The following MBOAT1 variants were observed in gnomAD, a reference collection of about 807,000 sequenced individuals.
The protein encoded by MBOAT1 is membrane-bound glycerophospholipid O-acyltransferase 1.
A neutral mutation model predicts 64.4 loss-of-function variants in MBOAT1; 67 were observed. The observed-to-expected ratio is 1.04, with a 90% CI of 0.85 to 1.27. The LOEUF (loss-of-function observed/expected upper bound fraction) is 1.27, where lower values mean the gene tolerates loss of function less well. Ranked by LOEUF, MBOAT1 falls within the 50% of genes most tolerant of loss-of-function variation. The pLI is 0.00. For missense variants in MBOAT1, 563 were observed against 604.6 expected (o/e 0.93, Z 0.72); for synonymous variants, 229 against 218.9 (o/e 1.05, Z -0.41).
intron 12 of MBOAT1, among the ~76,000 whole-genome samples, chr6:20,109,118 C>G (rs1385882410): frequency 6.6e-6 from 1 of 152,194 alleles, no homozygotes; most frequent in Non-Finnish European, 1.5e-5. Flanking sequence ...ACACGTGCAA[C>G]TGGCAACATA....
Position 20,152,704 on chromosome 6 carries a change from A to T in MBOAT1, c.165T>A (p.Arg55=). The T allele has an allele frequency of 1.9e-6, 3 of 1,612,306 alleles. No homozygotes were observed. The highest frequency in any genetic ancestry group is 1.6e-4 in the Middle Eastern group (1 of 6,062). ...FAAFWFRIYL[R]PGTTSSDVRH... is the part of the protein sequence containing the mutation. ...GGACATCAGAGCTGGTTGTACCAGG[A>T]CGTAAGTAGATGCGAAACCAGAAAG... The change falls in exon 2 of 13, where the codon CGT becomes CGA. Residue 55 remains arginine, a synonymous_variant. Transcript: ENST00000324607.
In MBOAT1 at chr6:20,168,245, A is replaced by AC. The variant is rs531937038; in HGVS notation, c.100-15477dup. Among the ~76,000 whole-genome samples, 780 of 152,264 alleles carry AC rather than the reference A, an allele frequency of 5.1e-3. 2 individuals are homozygous for AC. Among genetic ancestry groups the AC allele is most frequent in the Middle Eastern group, 0.014 (4 of 294 alleles). On this transcript the variant is annotated intron_variant, in intron 1 of 12. Coordinates refer to ENST00000324607, the MANE Select transcript of MBOAT1 (RefSeq NM_001080480.3). ...AGTAAAAATTAATCAAAAAATATAA[A>AC]CCCAAGCAGCATGAATCAACTAAAC...
At chr6:20,170,474 CCTCT>C (rs1441244720) in intron 1 of MBOAT1, among the ~76,000 whole-genome samples, 2 of 152,174 alleles carry the variant, frequency 1.3e-5, no homozygotes, top group Non-Finnish European at 2.9e-5. Flanking sequence ...GTTGTATCTC[CCTCT>C]CTAACACCCC....
intron 7 of MBOAT1, among the ~76,000 whole-genome samples, chr6:20,126,123 A>G (rs1334322723): frequency 2.0e-5 from 3 of 152,184 alleles, no homozygotes; most frequent in Non-Finnish European, 4.4e-5. Context: ...TCTACAAGAA[A>G]AACACAGTAA....
intron 4 of MBOAT1, 36 bp from the exon 5 acceptor site, chr6:20,131,235 G>T (rs1227008436): frequency 6.3e-7 from 1 of 1,584,470 alleles, no homozygotes; most frequent in Admixed American, 1.7e-5. Flanking sequence ...AGATTGGCAA[G>T]AAGGCCATTG....
At chr6:20,181,449 G>C (rs1230611050) in intron 1 of MBOAT1, among the ~76,000 whole-genome samples, 1 of 151,946 alleles carries the variant, frequency 6.6e-6, no homozygotes, top group East Asian at 1.9e-4. Flanking sequence ...ATTTTCTCCT[G>C]CTGGCCTTTG....
At chr6:20,192,178 C>A (rs1372614029) in intron 1 of MBOAT1, among the ~76,000 whole-genome samples, 1 of 152,188 alleles carries the variant, frequency 6.6e-6, no homozygotes, top group African/African-American at 2.4e-5. Context: ...TTTCACACTT[C>A]CTGGGTACAC....
At chr6:20,189,909 A>G (rs945263349) in intron 1 of MBOAT1, among the ~76,000 whole-genome samples, 1 of 151,810 alleles carries the variant, frequency 6.6e-6, no homozygotes, top group African/African-American at 2.4e-5. Flanking sequence ...TATGTATTAC[A>G]TTTCCTTCAT....
intron 3 of MBOAT1, among the ~76,000 whole-genome samples, chr6:20,147,879 T>C (rs1010918866): frequency 2.2e-4 from 33 of 152,134 alleles, no homozygotes; most frequent in African/African-American, 7.7e-4. Flanking sequence ...AACAATGAAA[T>C]AAAGTATATT....
intron 3 of MBOAT1, among the ~76,000 whole-genome samples, chr6:20,148,959 G>A (rs1183992164): frequency 1.3e-5 from 2 of 151,944 alleles, no homozygotes. Flanking sequence ...AAATTAGCCA[G>A]GTGTAGTGGC....
intron 1 of MBOAT1, among the ~76,000 whole-genome samples, chr6:20,195,211 C>T (rs2094428): frequency 0.41 from 61,798 of 152,036 alleles, 14,933 homozygotes; most frequent in Non-Finnish European, 0.52. Flanking sequence ...TCTCAGCCTC[C>T]GAAAGTGCTA....
intron 10 of MBOAT1, 146 bp from the exon 11 acceptor site, chr6:20,113,154 G>T: frequency 1.1e-6 from 1 of 928,396 alleles, no homozygotes; most frequent in Non-Finnish European, 1.6e-6. Flanking sequence ...GACTTGCAGT[G>T]CAATCCAAGC....
Position 20,100,560 on chromosome 6 carries a change from C to G in MBOAT1, c.*1726G>C, listed in dbSNP as rs1294300720. On this transcript the variant is annotated 3_prime_UTR_variant, in exon 13 of 13. Transcript: ENST00000324607. ...AAAGTTTGGGTTCTAGTACTCTCCCCCAGCACCAGGACTGTTTACATGCTG... is the reference window on the plus strand; with the variant it reads ...AAAGTTTGGGTTCTAGTACTCTCCCGCAGCACCAGGACTGTTTACATGCTG... Among the ~76,000 whole-genome samples, 1 of 152,166 alleles carries G rather than the reference C, an allele frequency of 6.6e-6. No homozygotes were observed. The highest frequency in any genetic ancestry group is 1.5e-5 in the Non-Finnish European group (1 of 68,038).
intron 1 of MBOAT1, among the ~76,000 whole-genome samples, chr6:20,172,384 G>A (rs1440929418): frequency 6.6e-6 from 1 of 151,940 alleles, no homozygotes; most frequent in African/African-American, 2.4e-5. Context: ...AGCCATGATC[G>A]CACCACCTCA....
intron 12 of MBOAT1, among the ~76,000 whole-genome samples, chr6:20,103,960 G>A (rs1359889750): frequency 2.0e-5 from 3 of 152,136 alleles, no homozygotes; most frequent in African/African-American, 7.2e-5. Context: ...GACTCACCCA[G>A]AGCAACTTCC....
chr6:20,128,881 C>CT, intron 5 of MBOAT1, 128 bp from the exon 6 acceptor site: 1 of 663,466 alleles, frequency 1.5e-6, no homozygotes, highest in Non-Finnish European at 2.4e-6. Context: ...TAAAGAGTTC[C>CT]TGTTTTTCAT....
intron 12 of MBOAT1, among the ~76,000 whole-genome samples, chr6:20,109,173 G>C (rs1484646594): frequency 2.0e-5 from 3 of 152,070 alleles, no homozygotes; most frequent in African/African-American, 4.8e-5. Context: ...CACACCACTC[G>C]ATCAGGCAAT....
chr6:20,153,193 T>C (rs1761579524), intron 1 of MBOAT1, among the ~76,000 whole-genome samples: 1 of 152,204 alleles, frequency 6.6e-6, no homozygotes, highest in Non-Finnish European at 1.5e-5. Flanking sequence ...GATTTGTTCT[T>C]TCTCCCCAAT....
At chr6:20,193,155 G>A (rs1368089411) in intron 1 of MBOAT1, among the ~76,000 whole-genome samples, 6 of 151,646 alleles carry the variant, frequency 4.0e-5, no homozygotes, top group Non-Finnish European at 8.8e-5. Flanking sequence ...ACAGGTGCCC[G>A]CCACCGCGCC....
Sources: allele counts gnomAD v4.1 joint callset (sites outside exome capture counted in the v4.1 genomes callset), GRCh38; gene constraint gnomAD v4.1.1; transcripts MANE v1.5; gene names NCBI Gene and HGNC (gene_info 2026-07-23, HGNC 2026-07-21).